Variants in GRIN3A observed in about 807,000 individuals in gnomAD.
GRIN3A encodes glutamate receptor ionotropic, NMDA 3A.
A neutral mutation model predicts 92.4 loss-of-function variants in GRIN3A; 47 were observed. The ratio of observed to expected loss-of-function variants is 0.51; its 90% confidence interval spans 0.40 to 0.65. The LOEUF (loss-of-function observed/expected upper bound fraction) is 0.65, where lower values mean the gene tolerates loss of function less well. Among genes scored for constraint, GRIN3A ranks in the 30% least tolerant of loss-of-function variants. GRIN3A has a pLI of 0.00. For missense variants in GRIN3A, 1,324 were observed against 1,393.1 expected (o/e 0.95, Z 0.79); for synonymous variants, 527 against 540.6 (o/e 0.97, Z 0.35).
intron 5 of GRIN3A, among the ~76,000 whole-genome samples, chr9:101,620,049 C>T (rs769789052): frequency 3.6e-4 from 55 of 152,274 alleles, no homozygotes; most frequent in Non-Finnish European, 7.2e-4. Context: ...CCTTATTTTT[C>T]CCTTTTAAGT....
intron 2 of GRIN3A, among the ~76,000 whole-genome samples, chr9:101,683,788 A>G (rs1239075103): frequency 6.6e-6 from 1 of 151,832 alleles, no homozygotes; most frequent in African/African-American, 2.4e-5. Context: ...AATAGCCACG[A>G]GGGCAGAGGT....
rs779191700 is a variant in GRIN3A, at chr9:101,738,011, C to A, written c.-32G>T. 5.9e-6 allele frequency: 9 copies of A among 1,514,072 alleles called. No individual in the cohort carries two copies. Among genetic ancestry groups the A allele is most frequent in the Admixed American group, 2.0e-5 (1 of 50,936 alleles). The allele number at this position is 1,514,072 out of a possible 1,614,324, so 93.8% of individuals were successfully genotyped here. A position where few individuals can be genotyped will look rare whatever the true frequency, so the allele number is the denominator to read the frequency against. On this transcript the variant is annotated 5_prime_UTR_variant, in exon 1 of 9. It adds an upstream start codon to the 5' untranslated region. Transcript: ENST00000361820. ...GACCCGCAGGGAGAAAGCGCGCCCC[C>A]TCCTGCGCCCGGCTCGCCCCTCTGC...
At chr9:101,689,686 C>A (rs896988583) in intron 1 of GRIN3A, among the ~76,000 whole-genome samples, 1 of 151,782 alleles carries the variant, frequency 6.6e-6, no homozygotes, top group Non-Finnish European at 1.5e-5. Context: ...CAATTTCTCC[C>A]CATATAAGGA....
At chr9:101,588,960 T>C (rs1827985163) in intron 6 of GRIN3A, among the ~76,000 whole-genome samples, 1 of 151,312 alleles carries the variant, frequency 6.6e-6, no homozygotes, top group African/African-American at 2.4e-5. Context: ...AATAAAAATT[T>C]TGTGTATAGT....
chr9:101,667,246 T>C (rs938663714), intron 3 of GRIN3A, among the ~76,000 whole-genome samples: 15 of 151,944 alleles, frequency 9.9e-5, no homozygotes, highest in Non-Finnish European at 2.2e-4. Flanking sequence ...TAATACATTA[T>C]ATTACAAAAT....
intron 3 of GRIN3A, among the ~76,000 whole-genome samples, chr9:101,647,436 A>C (rs1012527002): frequency 1.1e-4 from 16 of 151,746 alleles, no homozygotes; most frequent in African/African-American, 3.9e-4. Context: ...TTCATCAGTG[A>C]AATATTGGCC....
Position 101,573,528 on chromosome 9 carries a change from A to C in GRIN3A, c.3009-15T>G, listed in dbSNP as rs371298426. The C allele has an allele frequency of 3.8e-6, 6 of 1,598,606 alleles. No homozygotes were observed. Among genetic ancestry groups the C allele is most frequent in the African/African-American group, 1.3e-5 (1 of 74,668 alleles). ...CCACATTAGACCTAGGAAACAGAGA[A>C]ATTTTAGATTTACTTTCCATTCTGC... On this transcript the variant is annotated splice_polypyrimidine_tract_variant and intron_variant, in intron 8 of 8. Coordinates refer to ENST00000361820, the MANE Select transcript of GRIN3A (RefSeq NM_133445.3).
chr9:101,652,487 G>A (rs538219037), intron 3 of GRIN3A, among the ~76,000 whole-genome samples: 1 of 152,004 alleles, frequency 6.6e-6, no homozygotes, highest in East Asian at 2.0e-4. Context: ...CCTTTCAAAA[G>A]AGCAACTTTG....
At chr9:101,696,093 G>T (rs1829680539) in intron 1 of GRIN3A, among the ~76,000 whole-genome samples, 1 of 152,154 alleles carries the variant, frequency 6.6e-6, no homozygotes, top group Non-Finnish European at 1.5e-5. Flanking sequence ...AGGCGAAATA[G>T]ACCAGCATTA....
At chr9:101,597,821 G>GTA (rs1283304370) in intron 6 of GRIN3A, among the ~76,000 whole-genome samples, 1 of 151,554 alleles carries the variant, frequency 6.6e-6, no homozygotes, top group Admixed American at 6.6e-5. Context: ...ACTAAATATA[G>GTA]TATATATATG....
intron 8 of GRIN3A, among the ~76,000 whole-genome samples, chr9:101,574,671 C>T (rs1210599132): frequency 6.6e-6 from 1 of 152,198 alleles, no homozygotes; most frequent in Non-Finnish European, 1.5e-5. Flanking sequence ...GCAGCTTGTA[C>T]CTATGCTGAA....
At chr9:101,612,368 C>T (rs556656026) in intron 6 of GRIN3A, among the ~76,000 whole-genome samples, 2 of 152,232 alleles carry the variant, frequency 1.3e-5, no homozygotes, top group African/African-American at 2.4e-5. Context: ...GGAGCCATTA[C>T]CAAGATGTGA....
At chr9:101,606,010 T>C (rs1399770625) in intron 6 of GRIN3A, among the ~76,000 whole-genome samples, 6 of 152,220 alleles carry the variant, frequency 3.9e-5, no homozygotes, top group African/African-American at 1.2e-4. Flanking sequence ...CTCCTAGTGA[T>C]GGGAGAGCCA....
chr9:101,650,645 T>G (rs1298954877), intron 3 of GRIN3A, among the ~76,000 whole-genome samples: 1 of 152,046 alleles, frequency 6.6e-6, no homozygotes, highest in African/African-American at 2.4e-5. Flanking sequence ...TATGGTTGTT[T>G]GTTTTGCAAT....
intron 3 of GRIN3A, among the ~76,000 whole-genome samples, chr9:101,642,383 AAC>A (rs776413087): frequency 1.9e-4 from 29 of 152,206 alleles, no homozygotes; most frequent in Non-Finnish European, 3.7e-4. Flanking sequence ...CTTACCAGAA[AAC>A]ACAGAGGAAA....
intron 2 of GRIN3A, among the ~76,000 whole-genome samples, chr9:101,682,575 C>T (rs1415639178): frequency 2.0e-5 from 3 of 152,182 alleles, no homozygotes; most frequent in Admixed American, 6.5e-5. Flanking sequence ...TCTACCCGAC[C>T]ATAGTTCAAC....
intron 1 of GRIN3A, among the ~76,000 whole-genome samples, chr9:101,726,783 ATAG>A (rs1379944752): frequency 6.6e-6 from 1 of 151,694 alleles, no homozygotes; most frequent in Admixed American, 6.6e-5. Flanking sequence ...TTGTGGGTAC[ATAG>A]TAGGCATATA....
intron 1 of GRIN3A, among the ~76,000 whole-genome samples, chr9:101,707,675 C>A (rs1829829465): frequency 6.6e-6 from 1 of 152,176 alleles, no homozygotes; most frequent in African/African-American, 2.4e-5. Flanking sequence ...ACATTTCTAA[C>A]ACTATATATG....
chr9:101,713,498 G>A (rs1829907047), intron 1 of GRIN3A, among the ~76,000 whole-genome samples: 1 of 152,196 alleles, frequency 6.6e-6, no homozygotes, highest in Non-Finnish European at 1.5e-5. Flanking sequence ...TGACTAGGTA[G>A]AGGAACTGTG....
Sources: allele counts gnomAD v4.1 joint callset (sites outside exome capture counted in the v4.1 genomes callset), GRCh38; gene constraint gnomAD v4.1.1; transcripts MANE v1.5; gene names NCBI Gene and HGNC (gene_info 2026-07-23, HGNC 2026-07-21).